SEPTIN11: variants seen among roughly 807,000 people sequenced by gnomAD.
The protein encoded by SEPTIN11 is septin-11.
A neutral mutation model predicts 51.4 loss-of-function variants in SEPTIN11; 25 were observed. The observed-to-expected ratio is 0.49, with a 90% CI of 0.35 to 0.68. SEPTIN11 has a LOEUF of 0.68. Ranked by LOEUF, SEPTIN11 falls within the 30% of genes least tolerant of loss-of-function variation. The pLI is 0.00. For synonymous variants in SEPTIN11, 174 were observed against 184.1 expected (o/e 0.95, Z 0.44); for missense variants, 381 against 520.8 (o/e 0.73, Z 2.61).
intron 5 of SEPTIN11, among the ~76,000 whole-genome samples, chr4:77,016,631 CACATAT>C (rs1560736240): frequency 8.8e-5 from 2 of 22,726 alleles, no homozygotes; most frequent in East Asian, 1.7e-3. Flanking sequence ...TATATATATA[CACATAT>C]ATATATATAT....
rs912336776 is a variant in SEPTIN11, at chr4:77,034,720, A to G, written c.*208A>G. ...GGGAATAACCGCGAATGCTCTGTGC[A>G]GCTGGACTCTGTTTCCGGAAAGTAA... On this transcript the variant is annotated 3_prime_UTR_variant, in exon 10 of 10. Transcript: ENST00000264893. The G allele has an allele frequency of 3.2e-6, 4 of 1,267,202 alleles. No individual in the cohort carries two copies. The East Asian group carries it at 1.3e-4, about 42-fold the overall frequency. 78.5% of individuals were successfully genotyped at this position (1,267,202 alleles called of 1,614,324 possible).
At chr4:76,960,781 G>A (rs947830907) in intron 1 of SEPTIN11, among the ~76,000 whole-genome samples, 1 of 152,148 alleles carries the variant, frequency 6.6e-6, no homozygotes, top group African/African-American at 2.4e-5. Context: ...GAGTGACAAT[G>A]TCAAAACCAT....
rs1234653472 is a variant in SEPTIN11, at chr4:77,016,633, CAT to C, written c.687+1638_687+1639del. Among the ~76,000 whole-genome samples, 165 of 72,708 alleles carry C rather than the reference CAT, an allele frequency of 2.3e-3. 6 individuals are homozygous for C. Among genetic ancestry groups the C allele is most frequent in the South Asian group, 3.4e-3 (8 of 2,344 alleles). The allele number at this position is 72,708 out of a possible 152,430, so 47.7% of individuals were successfully genotyped here. On this transcript the variant is annotated intron_variant, in intron 5 of 9. Coordinates refer to ENST00000264893, the MANE Select transcript of SEPTIN11 (RefSeq NM_018243.4). ...ATATACACATATATATATATATACA[CAT>C]ATATATATATATATATATATACACA...
Position 76,949,836 on chromosome 4 carries a change from G to C in SEPTIN11, c.-68G>C. On this transcript the variant is annotated 5_prime_UTR_variant, in exon 1 of 10. Coordinates refer to ENST00000264893, the MANE Select transcript of SEPTIN11 (RefSeq NM_018243.4). The stretch of plus-strand genomic sequence containing the variant: ...GCGCGAGGGAGGCGAGCCGGAGCCC[G>C]AGCACTAGCAGCAGCCGGAGTCGGC... 3 of 1,484,936 alleles carry C rather than the reference G, an allele frequency of 2.0e-6. No individual in the cohort carries two copies. The highest frequency in any genetic ancestry group is 1.2e-5 in the South Asian group (1 of 80,984). The allele number at this position is 1,484,936 out of a possible 1,614,324, so 92.0% of individuals were successfully genotyped here. A position where few individuals can be genotyped will look rare whatever the true frequency, so the allele number is the denominator to read the frequency against.
At chr4:76,994,305 G>A (rs554252211) in intron 1 of SEPTIN11, among the ~76,000 whole-genome samples, 4 of 152,294 alleles carry the variant, frequency 2.6e-5, no homozygotes, top group Non-Finnish European at 5.9e-5. Flanking sequence ...AAGTCTTGGC[G>A]GATGTGGTAA....
rs148003592 is a variant in SEPTIN11 at position 76,956,729 on chromosome 4, G to T, written c.27+6799G>T. Reference sequence around the variant, plus strand: ...TAAATGGTCATTCCTAAATTCAAAAGAATGAGGATAGAGAATCCTCCTGTA... The same window carrying T: ...TAAATGGTCATTCCTAAATTCAAAATAATGAGGATAGAGAATCCTCCTGTA... On this transcript the variant is annotated intron_variant, in intron 1 of 9. Transcript: ENST00000264893. Among the ~76,000 whole-genome samples, 906 of 152,266 alleles carry T rather than the reference G, an allele frequency of 6.0e-3. 13 individuals carry two copies. The highest frequency in any genetic ancestry group is 0.021 in the African/African-American group (884 of 41,542).
rs150262391 is a variant in SEPTIN11, at chr4:76,973,250, G to A, written c.28-23175G>A. On this transcript the variant is annotated intron_variant, in intron 1 of 9. Coordinates refer to ENST00000264893, the MANE Select transcript of SEPTIN11 (RefSeq NM_018243.4). ...CTGGGGTCCCTGCTTTTCTACATTCGCTTTGCTGCTACCCACCAGGATGAC... is the reference window on the plus strand; with the variant it reads ...CTGGGGTCCCTGCTTTTCTACATTCACTTTGCTGCTACCCACCAGGATGAC... Among the ~76,000 whole-genome samples, 18 of 152,200 alleles carry A rather than the reference G, an allele frequency of 1.2e-4. 1 individual carries two copies. In the East Asian group the frequency reaches 3.1e-3, roughly 26 times the overall value.
chr4:76,988,241 A>G (rs981140229), intron 1 of SEPTIN11, among the ~76,000 whole-genome samples: 3 of 152,256 alleles, frequency 2.0e-5, no homozygotes, highest in Admixed American at 2.0e-4. Flanking sequence ...ATAAGGCTAC[A>G]CAGCATCCTG....
chr4:76,963,973 G>A (rs921487686), intron 1 of SEPTIN11, among the ~76,000 whole-genome samples: 3 of 151,882 alleles, frequency 2.0e-5, no homozygotes, highest in Non-Finnish European at 4.4e-5. Context: ...CCCACAACAG[G>A]CCCCAGTGTG....
In SEPTIN11 at chr4:76,962,581, C is replaced by T. The variant is rs1200444991; in HGVS notation, c.27+12651C>T. 4.6e-5 allele frequency among the ~76,000 whole-genome samples: 7 copies of T among 152,134 alleles called. No homozygotes were observed. The South Asian group carries it at 1.5e-3, about 32-fold the overall frequency. ...GGTACACATGTCTCACTTGGCATTA[C>T]CTATATTTAATTCCTTTCACACCCT... On this transcript the variant is annotated intron_variant, in intron 1 of 9. Coordinates refer to ENST00000264893, the MANE Select transcript of SEPTIN11 (RefSeq NM_018243.4).
In SEPTIN11 at chr4:76,991,689, A is replaced by T. The variant is rs1177682247; in HGVS notation, c.28-4736A>T. 2.6e-5 allele frequency among the ~76,000 whole-genome samples: 4 copies of T among 152,302 alleles called. No individual in the cohort carries two copies. In the South Asian group the frequency reaches 8.3e-4, roughly 32 times the overall value. On this transcript the variant is annotated intron_variant, in intron 1 of 9. Coordinates refer to ENST00000264893, the MANE Select transcript of SEPTIN11 (RefSeq NM_018243.4). ...CCCTGAATTTCCCTAGACAAAAACT[A>T]CTTCTCCTCCATGCCTTCCCGTAGT...
At chr4:76,975,076 A>G (rs557158390) in intron 1 of SEPTIN11, among the ~76,000 whole-genome samples, 119 of 151,104 alleles carry the variant, frequency 7.9e-4, no homozygotes, top group African/African-American at 2.3e-3. Context: ...AGATTGCGCC[A>G]CTGCACTCCA....
intron 7 of SEPTIN11, among the ~76,000 whole-genome samples, chr4:77,023,166 G>C (rs1262296012): frequency 5.9e-5 from 9 of 151,742 alleles, no homozygotes; most frequent in African/African-American, 2.2e-4. Flanking sequence ...CACCGAGGCT[G>C]CCTGACGCTT....
At chr4:76,988,557 G>A (rs1364836499) in intron 1 of SEPTIN11, among the ~76,000 whole-genome samples, 1 of 152,176 alleles carries the variant, frequency 6.6e-6, no homozygotes. Context: ...CACCCAGGCT[G>A]GAGTACAGTG....
Position 77,014,925 on chromosome 4 carries a change from A to G in SEPTIN11, c.595A>G (p.Lys199Glu), listed in dbSNP as rs765253983. The G allele has an allele frequency of 6.2e-7, 1 of 1,614,142 alleles. No homozygotes were observed. The highest frequency in any genetic ancestry group is 8.5e-7 in the Non-Finnish European group (1 of 1,179,954). ...GAATGAACTGCACAAATTCAAGAGT[A>G]AGATCATGAGTGAACTGGTCAGCAA... ...AKNELHKFKS[K>E]IMSELVSNGV... The change falls in exon 5 of 10, where the codon AAG (lysine) becomes GAG (glutamate). Residue 199 changes from lysine (K) to glutamate (E), a missense_variant. Physicochemically the swap from Lys to Glu is moderately conservative, Grantham distance 56. This residue lies in a region of SEPTIN11 where 197 missense variants were observed against 313.1 expected (regional missense o/e 0.63). Coordinates refer to ENST00000264893, the MANE Select transcript of SEPTIN11 (RefSeq NM_018243.4).
At position 76,976,108 on chromosome 4, in the gene SEPTIN11, T is replaced by C. The variant is rs75303594; in HGVS notation, c.28-20317T>C. Among the ~76,000 whole-genome samples the C allele has an allele frequency of 6.0e-3, 907 of 152,322 alleles. 6 individuals are homozygous for C. The highest frequency in any genetic ancestry group is 0.021 in the African/African-American group (875 of 41,562). On this transcript the variant is annotated intron_variant, in intron 1 of 9. Coordinates refer to ENST00000264893, the MANE Select transcript of SEPTIN11 (RefSeq NM_018243.4). ...TGTTTGTTCTATTTTCTTTACATGG[T>C]AAGGACATGTTGTAAAAGATTATGA...
chr4:76,977,688 G>A (rs1722566211), intron 1 of SEPTIN11, among the ~76,000 whole-genome samples: 1 of 150,614 alleles, frequency 6.6e-6, no homozygotes, highest in Non-Finnish European at 1.5e-5. Context: ...GGATGAAGGA[G>A]TGAGTCTGGG....
rs1416502074 is a variant in SEPTIN11 at position 77,037,509 on chromosome 4, A to G, written c.*2997A>G. ...TCTACTAGAGAAAACCAAGAGAAAA[A>G]TTTTTATGCTAGGATGCCTTTATGA... On this transcript the variant is annotated 3_prime_UTR_variant, in exon 10 of 10. Coordinates refer to ENST00000264893, the MANE Select transcript of SEPTIN11 (RefSeq NM_018243.4). 3.0e-6 allele frequency: 3 copies of G among 985,188 alleles called. No homozygotes were observed. Among genetic ancestry groups the G allele is most frequent in the East Asian group, 1.1e-4 (1 of 8,826 alleles). 61.0% of individuals were successfully genotyped at this position (985,188 alleles called of 1,614,324 possible).
rs559344802 is a variant in SEPTIN11, at chr4:76,954,101, T to C, written c.27+4171T>C. Among the ~76,000 whole-genome samples, 4 of 152,376 alleles carry C rather than the reference T, an allele frequency of 2.6e-5. No individual in the cohort carries two copies. In the South Asian group the frequency reaches 8.3e-4, roughly 32 times the overall value. On this transcript the variant is annotated intron_variant, in intron 1 of 9. Coordinates refer to ENST00000264893, the MANE Select transcript of SEPTIN11 (RefSeq NM_018243.4). ...CTATGTCTGCAAAAGGAACAAATGATTGTGGGACTCTGCTGTTTCCTTGAT... is the reference window on the plus strand; with the variant it reads ...CTATGTCTGCAAAAGGAACAAATGACTGTGGGACTCTGCTGTTTCCTTGAT...
Sources: gnomAD v4.1 joint callset for allele counts (sites outside exome capture counted in the v4.1 genomes callset) on GRCh38, gnomAD v4.1.1 for gene constraint, gnomAD v4.1.1 regional missense constraint, MANE v1.5 for transcripts, NCBI Gene and HGNC (gene_info 2026-07-23, HGNC 2026-07-21) for gene names.